The following MACROD2 variants were observed in gnomAD, a reference collection of about 807,000 sequenced individuals.
MACROD2 encodes mono-ADP ribosylhydrolase 2, also known as ADP-ribose glycohydrolase MACROD2.
A neutral mutation model predicts 70.4 loss-of-function variants in MACROD2; 36 were observed. The observed-to-expected ratio is 0.51, with a 90% CI of 0.39 to 0.68. The LOEUF (loss-of-function observed/expected upper bound fraction) is 0.68, where lower values mean the gene tolerates loss of function less well. Among genes scored for constraint, MACROD2 ranks in the 30% least tolerant of loss-of-function variants. MACROD2 has a pLI of 0.00. For synonymous variants in MACROD2, 172 were observed against 178.8 expected, an observed-to-expected ratio of 0.96 and a Z score of 0.30; for missense variants, 496 against 538.4, an observed-to-expected ratio of 0.92 and a Z score of 0.78.
intron 3 of MACROD2, among the ~76,000 whole-genome samples, chr20:14,270,678 T>C (rs1197336194): frequency 6.6e-6 from 1 of 152,014 alleles, no homozygotes; most frequent in African/African-American, 2.4e-5. Flanking sequence ...TCAACTCAAC[T>C]TTTTTTCCTA....
intron 4 of MACROD2, among the ~76,000 whole-genome samples, chr20:14,526,541 A>G (rs896264884): frequency 3.3e-5 from 5 of 152,196 alleles, no homozygotes; most frequent in Non-Finnish European, 2.9e-5. Flanking sequence ...TTTTTTCTTC[A>G]TAGACAGAAG....
intron 2 of MACROD2, among the ~76,000 whole-genome samples, chr20:14,048,758 C>G (rs1250699819): frequency 6.6e-6 from 1 of 151,878 alleles, no homozygotes; most frequent in Non-Finnish European, 1.5e-5. Context: ...CATTTGTGAA[C>G]AAAAACAAAC....
intron 5 of MACROD2, among the ~76,000 whole-genome samples, chr20:15,186,691 T>C (rs2076536891): frequency 6.6e-6 from 1 of 152,206 alleles, no homozygotes; most frequent in South Asian, 2.1e-4. Flanking sequence ...TATTGTTCAC[T>C]AACTACTAAC....
intron 5 of MACROD2, among the ~76,000 whole-genome samples, chr20:14,702,844 C>T (rs2071223673): frequency 6.6e-6 from 1 of 151,154 alleles, no homozygotes; most frequent in Non-Finnish European, 1.5e-5. Flanking sequence ...TCTCCTGCCT[C>T]AGCCTCCCTA....
intron 3 of MACROD2, among the ~76,000 whole-genome samples, chr20:14,178,101 A>ATGTTATCTCT (rs1428789952): frequency 6.6e-6 from 1 of 152,150 alleles, no homozygotes; most frequent in South Asian, 2.1e-4. Context: ...ACATCTAGGG[A>ATGTTATCTCT]AAAGGCTGAT....
At chr20:14,996,634 T>C (rs2074951850) in intron 5 of MACROD2, among the ~76,000 whole-genome samples, 1 of 152,120 alleles carries the variant, frequency 6.6e-6, no homozygotes, top group Non-Finnish European at 1.5e-5. Flanking sequence ...CACCACCCCT[T>C]CCTCATCCCC....
At chr20:15,803,283 A>G (rs1430770315) in intron 8 of MACROD2, among the ~76,000 whole-genome samples, 5 of 152,228 alleles carry the variant, frequency 3.3e-5, no homozygotes, top group Middle Eastern at 6.8e-3. Context: ...AGTGAATCCA[A>G]CACATCAAAA....
At chr20:16,008,179 TCTC>T (rs1262072058) in intron 15 of MACROD2, among the ~76,000 whole-genome samples, 1 of 152,086 alleles carries the variant, frequency 6.6e-6, no homozygotes, top group East Asian at 1.9e-4. Context: ...ATGGCAAGAG[TCTC>T]CTAAGTCTTT....
In MACROD2 at chr20:14,832,008, C is replaced by T. The variant is rs1000155874; in HGVS notation, c.418+147049C>T. On this transcript the variant is annotated intron_variant, in intron 5 of 17. Transcript: ENST00000684519. Reference sequence around the variant, plus strand: ...AGAGAAGATGTAGTCCCTACCCTCCCGCACCTCGACTTCATGCCTTTGCGA... The same window carrying T: ...AGAGAAGATGTAGTCCCTACCCTCCTGCACCTCGACTTCATGCCTTTGCGA... 8.5e-5 allele frequency among the ~76,000 whole-genome samples: 12 copies of T among 141,760 alleles called. 1 individual carries two copies. The highest frequency in any genetic ancestry group is 4.4e-4 in the South Asian group (2 of 4,514). The allele number at this position is 141,760 out of a possible 152,430, so 93.0% of individuals were successfully genotyped here.
chr20:14,857,965 C>T (rs996214964), intron 5 of MACROD2, among the ~76,000 whole-genome samples: 1 of 151,966 alleles, frequency 6.6e-6, no homozygotes, highest in Non-Finnish European at 1.5e-5. Flanking sequence ...GGATTACAGG[C>T]GCCTGCCACC....
intron 7 of MACROD2, among the ~76,000 whole-genome samples, chr20:15,469,182 T>C (rs2146430725): frequency 6.6e-6 from 1 of 152,284 alleles, no homozygotes; most frequent in South Asian, 2.1e-4. Flanking sequence ...CTATAAGAGA[T>C]TACTGCTGGC....
intron 8 of MACROD2, among the ~76,000 whole-genome samples, chr20:15,669,413 T>G (rs1267520720): frequency 6.6e-6 from 1 of 152,218 alleles, no homozygotes; most frequent in Non-Finnish European, 1.5e-5. Context: ...GGGTTTAAAC[T>G]GAGCCGACTT....
intron 5 of MACROD2, among the ~76,000 whole-genome samples, chr20:14,860,944 C>T (rs1291566530): frequency 6.7e-6 from 1 of 149,424 alleles, no homozygotes; most frequent in Non-Finnish European, 1.5e-5. Flanking sequence ...AACTACATCC[C>T]CATTCTGGAG....
intron 13 of MACROD2, 78 bp from the exon 14 acceptor site, chr20:15,986,649 C>T (rs7261973): frequency 0.065 from 71,205 of 1,101,926 alleles, 2,902 homozygotes; most frequent in East Asian, 0.18. Flanking sequence ...GATTAAAGCA[C>T]GGTTTCTGAA....
intron 5 of MACROD2, among the ~76,000 whole-genome samples, chr20:14,946,518 CT>C (rs567067108): frequency 3.3e-5 from 5 of 151,620 alleles, no homozygotes; most frequent in African/African-American, 1.2e-4. Flanking sequence ...CTTTTTCTTT[CT>C]TTTTTTTACT....
intron 5 of MACROD2, among the ~76,000 whole-genome samples, chr20:15,192,379 A>C (rs1297212992): frequency 6.6e-6 from 1 of 152,204 alleles, no homozygotes; most frequent in Non-Finnish European, 1.5e-5. Context: ...CGGAACATCA[A>C]ATCTTTCAAA....
chr20:14,050,352 G>A (rs1238550217), intron 2 of MACROD2, among the ~76,000 whole-genome samples: 2 of 152,122 alleles, frequency 1.3e-5, no homozygotes, highest in Admixed American at 6.5e-5. Context: ...TATCCCAAAA[G>A]TAAAGCCTTC....
intron 3 of MACROD2, among the ~76,000 whole-genome samples, chr20:14,368,482 G>T (rs2083292449): frequency 6.6e-6 from 1 of 151,816 alleles, no homozygotes; most frequent in South Asian, 2.1e-4. Flanking sequence ...GGCAGAGCTT[G>T]CAATGAGCCG....
rs1264906010 is a variant in MACROD2 at position 15,941,173 on chromosome 20, G to A, written c.907+3629G>A. 7.2e-5 allele frequency among the ~76,000 whole-genome samples: 11 copies of A among 152,180 alleles called. No individual in the cohort carries two copies. The South Asian group carries it at 1.9e-3, about 26-fold the overall frequency. The stretch of plus-strand genomic sequence containing the variant: ...TTTTAATGATGGTAACTCCATGAAG[G>A]AGTTCTGTCATGTATCACAAATGCA... On this transcript the variant is annotated intron_variant, in intron 12 of 17. Coordinates refer to ENST00000684519, the MANE Select transcript of MACROD2 (RefSeq NM_001351661.2).
Sources: gnomAD v4.1 joint callset for allele counts (sites outside exome capture counted in the v4.1 genomes callset) on GRCh38, gnomAD v4.1.1 for gene constraint, MANE v1.5 for transcripts, NCBI Gene and HGNC (gene_info 2026-07-23, HGNC 2026-07-21) for gene names.